WDR27: variants seen among roughly 807,000 people sequenced by gnomAD.
The protein encoded by WDR27 is WD repeat-containing protein 27.
WDR27 carries 100 observed loss-of-function variants against 114.4 expected under a neutral mutation model. The observed-to-expected ratio is 0.87, with a 90% CI of 0.74 to 1.03. WDR27 has a LOEUF of 1.03. WDR27 is among the 50% of genes least tolerant of loss of function. The pLI is 0.00. For synonymous variants in WDR27, 449 were observed against 423.1 expected (o/e 1.06, Z -0.75); for missense variants, 1,129 against 1,092.9 (o/e 1.03, Z -0.47).
intron 25 of WDR27, among the ~76,000 whole-genome samples, chr6:169,549,361 C>T (rs1483652134): frequency 6.6e-6 from 1 of 152,138 alleles, no homozygotes; most frequent in Non-Finnish European, 1.5e-5. Flanking sequence ...AAGTCCAGAA[C>T]ATGGAAAACA....
intron 25 of WDR27, among the ~76,000 whole-genome samples, chr6:169,554,075 C>T (rs1220335561): frequency 6.6e-6 from 1 of 152,170 alleles, no homozygotes; most frequent in African/African-American, 2.4e-5. Context: ...GACAGACAAG[C>T]TGACAAAGTC....
intron 13 of WDR27, among the ~76,000 whole-genome samples, chr6:169,654,729 G>A (rs925147862): frequency 1.3e-5 from 2 of 149,956 alleles, no homozygotes; most frequent in African/African-American, 2.5e-5. Flanking sequence ...AAGGAGGCGC[G>A]CACAGGAGGA....
intron 25 of WDR27, among the ~76,000 whole-genome samples, chr6:169,563,245 T>C (rs3006214): frequency 0.47 from 71,032 of 151,920 alleles, 20,424 homozygotes; most frequent in Non-Finnish European, 0.65. Flanking sequence ...TCCACCTCTT[T>C]CCTGCAACTC....
intron 13 of WDR27, among the ~76,000 whole-genome samples, chr6:169,652,380 C>A (rs1174609057): frequency 1.3e-5 from 2 of 152,210 alleles, no homozygotes; most frequent in African/African-American, 4.8e-5. Flanking sequence ...TCCTAAGTAG[C>A]TGGGATTACA....
chr6:169,472,422 T>C (rs909969987), intron 25 of WDR27, among the ~76,000 whole-genome samples: 1 of 152,210 alleles, frequency 6.6e-6, no homozygotes, highest in Non-Finnish European at 1.5e-5. Context: ...AGTCAAACTT[T>C]GGTTCTCCCA....
chr6:169,436,165 A>C, the WDR27 span, among the ~76,000 whole-genome samples: 1,253 of 152,338 alleles, frequency 8.2e-3, 9 homozygotes, highest in Non-Finnish European at 0.015. Flanking sequence ...CATCACAAAT[A>C]TAGAAATCAA....
At chr6:169,537,632 T>C (rs73792923) in intron 25 of WDR27, among the ~76,000 whole-genome samples, 2,488 of 152,168 alleles carry the variant, frequency 0.016, 62 homozygotes, top group African/African-American at 0.057. Flanking sequence ...AGGTCACTGA[T>C]GTGATGGGCG....
chr6:169,482,223 T>C (rs559785265), intron 25 of WDR27, among the ~76,000 whole-genome samples: 11 of 152,322 alleles, frequency 7.2e-5, no homozygotes, highest in African/African-American at 2.6e-4. Context: ...GTTGATTCCA[T>C]GTCTTTGCTA....
downstream of WDR27, among the ~76,000 whole-genome samples, chr6:169,456,354 A>T (rs1400099659): frequency 6.6e-6 from 1 of 151,974 alleles, no homozygotes; most frequent in Middle Eastern, 3.2e-3. This position sits in a 1 kb window ranked among gnomAD's most constrained non-coding sequence, Gnocchi z 4.0. Flanking sequence ...TCTCTTGTGA[A>T]AATAGAGACA....
intron 22 of WDR27, among the ~76,000 whole-genome samples, chr6:169,611,096 G>A (rs1174177419): frequency 2.0e-5 from 3 of 152,020 alleles, no homozygotes; most frequent in African/African-American, 4.8e-5. Flanking sequence ...CCTGTATAGG[G>A]TCCTTGCCAT....
chr6:169,593,810 C>A (rs1225761550), intron 23 of WDR27, among the ~76,000 whole-genome samples: 6 of 152,118 alleles, frequency 3.9e-5, no homozygotes, highest in African/African-American at 1.4e-4. Flanking sequence ...GATCGCGGCA[C>A]TGAACTCCAA....
intron 1 of WDR27, among the ~76,000 whole-genome samples, chr6:169,701,122 G>C (rs1446456519): frequency 6.6e-6 from 1 of 152,194 alleles, no homozygotes; most frequent in South Asian, 2.1e-4. Flanking sequence ...AGAGCAGTGT[G>C]TGTAAATTGT....
At chr6:169,552,373 G>A (rs533742122) in intron 25 of WDR27, among the ~76,000 whole-genome samples, 6 of 152,220 alleles carry the variant, frequency 3.9e-5, no homozygotes, top group African/African-American at 7.2e-5. Flanking sequence ...CCAGCTCCAC[G>A]AGGACTTTCA....
chr6:169,608,223 T>C (rs1584542591), intron 22 of WDR27, among the ~76,000 whole-genome samples: 1 of 152,212 alleles, frequency 6.6e-6, no homozygotes, highest in East Asian at 1.9e-4. Context: ...GTCTCACTAC[T>C]TGGTATCTAC....
intron 18 of WDR27, among the ~76,000 whole-genome samples, chr6:169,637,951 C>T (rs1223742955): frequency 1.3e-5 from 2 of 151,232 alleles, no homozygotes; most frequent in Non-Finnish European, 1.5e-5. Flanking sequence ...TGTAAGTGTG[C>T]GTATGTGTAT....
rs1266436297 is a variant in WDR27, at chr6:169,664,239, T to C, written c.831A>G (p.Ala277=). The C allele has an allele frequency of 6.2e-7, 1 of 1,613,688 alleles. No individual in the cohort carries two copies. Among genetic ancestry groups the C allele is most frequent in the Non-Finnish European group, 8.5e-7 (1 of 1,179,766 alleles). The change falls in exon 8 of 26, where the codon GCA becomes GCG. Residue 277 remains alanine, a synonymous_variant. Coordinates refer to ENST00000448612, the MANE Select transcript of WDR27 (RefSeq NM_182552.5). ...LMDGHHYRRV[A]RVDLRKKTET... ...CTGTCTTCTTCCTTAGGTCAACCCGTGCCACACGACGATAATGGTGTCCAT... is the reference window on the plus strand; with the variant it reads ...CTGTCTTCTTCCTTAGGTCAACCCGCGCCACACGACGATAATGGTGTCCAT...
the WDR27 span, among the ~76,000 whole-genome samples, chr6:169,448,322 T>C: frequency 6.6e-6 from 1 of 152,022 alleles, no homozygotes; most frequent in Non-Finnish European, 1.5e-5. Context: ...ACAGGGAGTA[T>C]GGTTGCTGTG....
chr6:169,463,023 A>G (rs1196896190), intron 25 of WDR27, among the ~76,000 whole-genome samples: 1 of 152,204 alleles, frequency 6.6e-6, no homozygotes, highest in Non-Finnish European at 1.5e-5. Flanking sequence ...AGACTACCAG[A>G]CTGGGTAACT....
intron 1 of WDR27, among the ~76,000 whole-genome samples, chr6:169,699,926 G>A (rs886419252): frequency 1.3e-5 from 2 of 152,124 alleles, no homozygotes; most frequent in Non-Finnish European, 2.9e-5. Flanking sequence ...AAGCTATAGT[G>A]AGCTGTGATT....
Sources: gnomAD v4.1 joint callset for allele counts (sites outside exome capture counted in the v4.1 genomes callset) on GRCh38, gnomAD v4.1.1 for gene constraint, Gnocchi (gnomAD v3.1) non-coding constraint, MANE v1.5 for transcripts, NCBI Gene and HGNC (gene_info 2026-07-23, HGNC 2026-07-21) for gene names.